The following SEMA3D variants were observed in gnomAD, a reference collection of about 807,000 sequenced individuals.
The protein encoded by SEMA3D is semaphorin-3D.
In SEMA3D, 84 loss-of-function variants were observed where a neutral mutation model predicts 100.1. The ratio of observed to expected loss-of-function variants is 0.84; its 90% CI spans 0.70 to 1.01. The LOEUF is 1.01. SEMA3D is among the 50% of genes least tolerant of loss of function. The pLI, the probability that SEMA3D is intolerant of heterozygous loss-of-function variation, is 0.00. For missense variants in SEMA3D, 875 were observed against 934.1 expected (o/e 0.94, Z 0.82); for synonymous variants, 312 against 320.7 (o/e 0.97, Z 0.29).
intron 18 of SEMA3D, among the ~76,000 whole-genome samples, chr7:85,000,486 A>G (rs1789626735): frequency 1.3e-5 from 2 of 152,202 alleles, no homozygotes; most frequent in African/African-American, 4.8e-5. Flanking sequence ...TTTGGACGTT[A>G]GAGCTGTAAT....
intron 4 of SEMA3D, among the ~76,000 whole-genome samples, chr7:85,095,478 T>G (rs1016669304): frequency 1.3e-5 from 2 of 152,018 alleles, no homozygotes; most frequent in African/African-American, 4.8e-5. Flanking sequence ...GCTTTAACCC[T>G]AAAGAGTACA....
intron 12 of SEMA3D, among the ~76,000 whole-genome samples, chr7:85,026,502 G>A (rs1790394169): frequency 6.6e-6 from 1 of 151,988 alleles, no homozygotes; most frequent in African/African-American, 2.4e-5. Context: ...GTACACAAAT[G>A]GGAAGATAGT....
upstream of SEMA3D, among the ~76,000 whole-genome samples, chr7:85,188,879 G>A (rs1215710763): frequency 6.6e-6 from 1 of 152,018 alleles, no homozygotes; most frequent in African/African-American, 2.4e-5. Context: ...ACTATAATAA[G>A]CTCTTTTCAC....
Position 85,020,338 on chromosome 7 carries a change from C to G in SEMA3D, c.1415-17G>C, listed in dbSNP as rs759179897. 4 of 1,573,492 alleles carry G rather than the reference C, an allele frequency of 2.5e-6. No individual in the cohort carries two copies. Among genetic ancestry groups the G allele is most frequent in the South Asian group, 1.1e-5 (1 of 90,052 alleles). On this transcript the variant is annotated splice_polypyrimidine_tract_variant and intron_variant, in intron 13 of 18. Transcript: ENST00000284136. ...TTCCAATGTCTGAAAAAATGCATAA[C>G]CCATGATCCCATTGTTTCTATCTCA... is the stretch of plus-strand genomic sequence containing the variant.
At chr7:85,202,566 G>A in the SEMA3D span, among the ~76,000 whole-genome samples, 2 of 151,976 alleles carry the variant, frequency 1.3e-5, no homozygotes, top group Non-Finnish European at 2.9e-5. Flanking sequence ...CCTACAAAAT[G>A]GGAGAAAATT....
chr7:85,087,614 CA>C (rs1399785368), intron 4 of SEMA3D, among the ~76,000 whole-genome samples: 3 of 152,006 alleles, frequency 2.0e-5, no homozygotes, highest in Non-Finnish European at 4.4e-5. Flanking sequence ...AGAAAACTGG[CA>C]AACAGAAGTA....
intron 9 of SEMA3D, among the ~76,000 whole-genome samples, chr7:85,047,971 C>T (rs947728246): frequency 1.3e-5 from 2 of 151,732 alleles, no homozygotes; most frequent in Admixed American, 1.3e-4. Flanking sequence ...ATTAATAACA[C>T]TTATGCTTAT....
chr7:85,108,801 T>A (rs1789005360), intron 3 of SEMA3D, among the ~76,000 whole-genome samples: 1 of 152,026 alleles, frequency 6.6e-6, no homozygotes, highest in Admixed American at 6.6e-5. Context: ...AATTTGTACA[T>A]CTCTAACTAG....
chr7:85,190,120 T>C (rs576083440), upstream of SEMA3D, among the ~76,000 whole-genome samples: 12 of 152,232 alleles, frequency 7.9e-5, no homozygotes, highest in South Asian at 1.0e-3. Flanking sequence ...CAGCAGAAGA[T>C]ACTAAAACCA....
intron 4 of SEMA3D, among the ~76,000 whole-genome samples, chr7:85,095,464 G>GA (rs1788520559): frequency 6.6e-6 from 1 of 151,848 alleles, no homozygotes; most frequent in Non-Finnish European, 1.5e-5. Context: ...ATATGTTGTA[G>GA]ATTGCTTTAA....
chr7:85,159,989 T>C (rs1790701827), intron 1 of SEMA3D: 2 of 982,374 alleles, frequency 2.0e-6, no homozygotes, highest in Admixed American at 6.1e-5. Flanking sequence ...AGGTATCATA[T>C]CTACCACATC....
chr7:85,072,610 G>C (rs1018892416), intron 6 of SEMA3D, among the ~76,000 whole-genome samples: 2 of 152,070 alleles, frequency 1.3e-5, no homozygotes, highest in African/African-American at 2.4e-5. Flanking sequence ...ACTTTTAATA[G>C]AAAAAACATT....
chr7:85,162,978 A>C (rs1790787816), intron 1 of SEMA3D: 2 of 822,710 alleles, frequency 2.4e-6, no homozygotes, highest in South Asian at 1.1e-4. Flanking sequence ...AGAGGTTTAG[A>C]GGCCGAGGAC....
chr7:85,022,228 G>A (rs1414601175), intron 13 of SEMA3D, among the ~76,000 whole-genome samples, 163 bp downstream of exon 13: 2 of 151,826 alleles, frequency 1.3e-5, no homozygotes, highest in African/African-American at 2.4e-5. Context: ...AGATATTTAT[G>A]ATTATCAATT....
chr7:85,141,304 C>A, intron 2 of SEMA3D: 1 of 984,044 alleles, frequency 1.0e-6, no homozygotes, highest in Non-Finnish European at 1.2e-6. Flanking sequence ...GGAATTTTAA[C>A]ATTGTCAAAA....
chr7:85,084,818 T>C (rs974744225), intron 4 of SEMA3D, among the ~76,000 whole-genome samples: 10 of 152,174 alleles, frequency 6.6e-5, no homozygotes, highest in Non-Finnish European at 1.0e-4. Flanking sequence ...TATATATCCA[T>C]GTATTCTCAT....
rs2115682183 is a variant in SEMA3D, at chr7:84,997,819, T to C, written c.*1621A>G. The C allele has an allele frequency of 6.6e-6, 1 of 152,440 alleles. No homozygotes were observed. Among genetic ancestry groups the C allele is most frequent in the South Asian group, 2.1e-4 (1 of 4,818 alleles). The allele number at this position is 152,440 out of a possible 1,614,324, so 9.4% of individuals were successfully genotyped here. Reference sequence around the variant, plus strand: ...GTGACTAATTTTTCATTTCACACTATAAAGGGCGTGAAAAGGCAAAACAGA... The same window carrying C: ...GTGACTAATTTTTCATTTCACACTACAAAGGGCGTGAAAAGGCAAAACAGA... On this transcript the variant is annotated 3_prime_UTR_variant, in exon 19 of 19. Coordinates refer to ENST00000284136, the MANE Select transcript of SEMA3D (RefSeq NM_001384900.1).
chr7:85,026,286 T>C (rs1021068974), intron 12 of SEMA3D, among the ~76,000 whole-genome samples: 1 of 152,008 alleles, frequency 6.6e-6, no homozygotes, highest in Non-Finnish European at 1.5e-5. Flanking sequence ...AAAGTAATTG[T>C]TATCCAATAA....
At chr7:85,171,418 C>G (rs1026792942) in intron 1 of SEMA3D, among the ~76,000 whole-genome samples, 1 of 151,884 alleles carries the variant, frequency 6.6e-6, no homozygotes, top group Non-Finnish European at 1.5e-5. Context: ...AGAAAGGGAA[C>G]AGTCAGGGGA....
Sources: gnomAD v4.1 joint callset for allele counts (sites outside exome capture counted in the v4.1 genomes callset) on GRCh38, gnomAD v4.1.1 for gene constraint, MANE v1.5 for transcripts, NCBI Gene and HGNC (gene_info 2026-07-23, HGNC 2026-07-21) for gene names.